GLE1: variants seen among roughly 807,000 people sequenced by gnomAD.
The protein encoded by GLE1 is GLE1 RNA export mediator.
A neutral mutation model predicts 97.3 loss-of-function variants in GLE1; 78 were observed. That is an observed-to-expected ratio of 0.80 (90% CI 0.67 to 0.97). The LOEUF (loss-of-function observed/expected upper bound fraction) is 0.97, where lower values mean the gene tolerates loss of function less well. Among genes scored for constraint, GLE1 ranks in the 50% least tolerant of loss-of-function variants. The pLI is 0.00. For synonymous variants in GLE1, 302 were observed against 313.4 expected, an observed-to-expected ratio of 0.96 and a Z score of 0.39; for missense variants, 753 against 857.5, an observed-to-expected ratio of 0.88 and a Z score of 1.52.
chr9:128,522,585 A>G (rs1847180905), intron 3 of GLE1, 83 bp from the exon 4 acceptor site: 1 of 1,414,194 alleles, frequency 7.1e-7, no homozygotes, highest in Non-Finnish European at 9.4e-7. Flanking sequence ...CGGGAGTTGG[A>G]GGTTGCAGTG....
chr9:128,523,879 C>A, intron 6 of GLE1, 33 bp downstream of exon 6: 1 of 1,611,580 alleles, frequency 6.2e-7, no homozygotes, highest in Non-Finnish European at 8.5e-7. Context: ...TCTTTGCTGT[C>A]TTTGAAATGG....
Position 128,508,895 on chromosome 9 carries a change from T to A in GLE1, c.119T>A (p.Met40Lys). Reference sequence around the variant, plus strand: ...CTCTAGGATGTTTTAGAAGAATGTATGTCTCTTCCCAAGCTATCTTCTTAT... The same window carrying A: ...CTCTAGGATGTTTTAGAAGAATGTAAGTCTCTTCCCAAGCTATCTTCTTAT... ...LRREDVLEEC[M>K]SLPKLSSYSG... is the part of the protein sequence containing the mutation. The change falls in exon 2 of 16, where the codon ATG becomes AAG. Residue 40 changes from methionine (M) to lysine (K), a missense_variant. Physicochemically the swap from Met to Lys is moderately conservative, Grantham distance 95. Transcript: ENST00000309971. 6.2e-7 allele frequency: 1 copy of A among 1,602,004 alleles called. No individual in the cohort carries two copies. The highest frequency in any genetic ancestry group is 8.6e-7 in the Non-Finnish European group (1 of 1,168,942).
chr9:128,529,529 C>T (rs879864961), intron 9 of GLE1, among the ~76,000 whole-genome samples: 1 of 152,160 alleles, frequency 6.6e-6, no homozygotes, highest in Admixed American at 6.6e-5. Flanking sequence ...CACATCCTAA[C>T]ATGAGTCTCC....
Position 128,525,377 on chromosome 9 carries a change from A to G in GLE1, c.1083A>G (p.Lys361=), listed in dbSNP as rs745553220. ...TGCAGCAGGGACCAGAGGCCCACAAAGAGCCCCCAGCTCCCAGCCAGGGCC... is the reference window on the plus strand; with the variant it reads ...TGCAGCAGGGACCAGAGGCCCACAAGGAGCCCCCAGCTCCCAGCCAGGGCC... ...AQMQQGPEAH[K]EPPAPSQGPG... is the part of the protein sequence containing the mutation. The change falls in exon 7 of 16, where the codon AAA becomes AAG. Residue 361 remains lysine, a synonymous_variant. Transcript: ENST00000309971. 1.2e-6 allele frequency: 2 copies of G among 1,611,962 alleles called. No homozygotes were observed. The highest frequency in any genetic ancestry group is 2.2e-5 in the East Asian group (1 of 44,828).
At chr9:128,532,706 C>G (rs1034357982) in intron 9 of GLE1, 1 of 968,908 alleles carries the variant, frequency 1.0e-6, no homozygotes, top group African/African-American at 1.8e-5. Context: ...GCAGCCCCCA[C>G]TGCTTGTGAG....
In GLE1 at chr9:128,504,726, T is replaced by C. The variant is rs1048292684; in HGVS notation, c.-80T>C. On this transcript the variant is annotated 5_prime_UTR_variant, in exon 1 of 16. Coordinates refer to ENST00000309971, the MANE Select transcript of GLE1 (RefSeq NM_001003722.2). ...CGCGCGCGTCCCGGAAGCAGAAGCC[T>C]GTGTGGCCTTCCCGGCGGCTGATTC... is the stretch of plus-strand genomic sequence containing the variant. The C allele has an allele frequency of 1.2e-5, 11 of 955,876 alleles. No homozygotes were observed. Among genetic ancestry groups the C allele is most frequent in the South Asian group, 6.4e-5 (5 of 78,220 alleles). The allele number at this position is 955,876 out of a possible 1,614,324, so 59.2% of individuals were successfully genotyped here. A position where few individuals can be genotyped will look rare whatever the true frequency, so the allele number is the denominator to read the frequency against.
At chr9:128,536,313 C>T (rs778472219) in intron 11 of GLE1, 42 bp from the exon 12 acceptor site, 49 of 1,580,044 alleles carry the variant, frequency 3.1e-5, no homozygotes, top group Non-Finnish European at 4.2e-5. Context: ...GGATTACAAG[C>T]GTGAGCCACC....
rs1392363309 is a variant in GLE1, at chr9:128,528,364, C to T, written c.1312+839C>T. On this transcript the variant is annotated intron_variant, in intron 9 of 15. Transcript: ENST00000309971. The stretch of plus-strand genomic sequence containing the variant: ...TGTCACCCAGACTGGAGTGCAGTGG[C>T]GCAATCTCGGCTCACTGCAAGCTCT... Among the ~76,000 whole-genome samples, 7 of 145,924 alleles carry T rather than the reference C, an allele frequency of 4.8e-5. No individual in the cohort carries two copies. The East Asian group carries it at 1.0e-3, about 21-fold the overall frequency.
chr9:128,504,921 G>C lies in GLE1; in HGVS notation c.99+17G>C. 1 of 1,541,854 alleles carries C rather than the reference G, an allele frequency of 6.5e-7. No homozygotes were observed. The highest frequency in any genetic ancestry group is 9.0e-7 in the Non-Finnish European group (1 of 1,114,476). ...CGGCGCGAGGTGAGCGGTGGCCCCG[G>C]AGGACGTAGGCCTTTCCGGCCCCTC... On this transcript the variant is annotated intron_variant, in intron 1 of 15. Coordinates refer to ENST00000309971, the MANE Select transcript of GLE1 (RefSeq NM_001003722.2).
chr9:128,533,858 A>G lies in GLE1; in HGVS notation c.1553A>G (p.Asp518Gly). ...TGGGAGCTCCACCCCAGAGTGGGGGACCTCATTCTTGCTCATCTACATAAG... is the reference window on the plus strand; with the variant it reads ...TGGGAGCTCCACCCCAGAGTGGGGGGCCTCATTCTTGCTCATCTACATAAG... The part of the protein sequence containing the change: ...GIWELHPRVG[D>G]LILAHLHKKC... Residue 518 changes from aspartate (D) to glycine (G), a missense_variant, in exon 11 of 16, where the codon GAC (aspartate) becomes GGC (glycine). Transcript: ENST00000309971. 6.2e-7 allele frequency: 1 copy of G among 1,612,252 alleles called. No homozygotes were observed. Among genetic ancestry groups the G allele is most frequent in the Non-Finnish European group, 8.5e-7 (1 of 1,178,498 alleles).
chr9:128,527,267 C>A lies in GLE1; in HGVS notation c.1218C>A (p.Gly406=). The A allele has an allele frequency of 6.2e-7, 1 of 1,603,872 alleles. No individual in the cohort carries two copies. The highest frequency in any genetic ancestry group is 8.5e-7 in the Non-Finnish European group (1 of 1,170,680). ...ASMQCVLTFE[G]LTNSKDSQAK... ...TGCAGTGTGTGTTGACCTTTGAGGG[C>A]CTGACCAACAGCAAGGACAGTCAGG... Residue 406 remains glycine, a synonymous_variant, in exon 8 of 16, where the codon GGC becomes GGA. Transcript: ENST00000309971.
rs757345630 is a variant in GLE1 at position 128,533,989 on chromosome 9, T to C, written c.1646+38T>C. 1.4e-5 allele frequency: 18 copies of C among 1,258,576 alleles called. No homozygotes were observed. The Admixed American group carries it at 2.5e-4, about 18-fold the overall frequency. 78.0% of individuals were successfully genotyped at this position (1,258,576 alleles called of 1,614,324 possible). A position where few individuals can be genotyped will look rare whatever the true frequency, so the allele number is the denominator to read the frequency against. On this transcript the variant is annotated intron_variant, in intron 11 of 15. Coordinates refer to ENST00000309971, the MANE Select transcript of GLE1 (RefSeq NM_001003722.2). Reference sequence around the variant, plus strand: ...TTCTCCCTACTCACTATCCCTAGAGTGATTAATGAAATATAAATAGAATTG... The same window carrying C: ...TTCTCCCTACTCACTATCCCTAGAGCGATTAATGAAATATAAATAGAATTG...
chr9:128,512,763 G>T (rs1846862866), intron 2 of GLE1, among the ~76,000 whole-genome samples: 2 of 151,964 alleles, frequency 1.3e-5, no homozygotes, highest in Non-Finnish European at 2.9e-5. Flanking sequence ...AGGTTCAAGT[G>T]ATTCTCCTGC....
In GLE1 at chr9:128,539,844, C is replaced by T. The variant is rs375797493; in HGVS notation, c.1964+146C>T. The T allele has an allele frequency of 3.4e-4, 514 of 1,534,310 alleles. No homozygotes were observed. In the African/African-American group the frequency reaches 5.2e-3, roughly 16 times the overall value. ...ACATCTTTCCTACTCCAGTCCCTCT[C>T]GTTGATATTTGAATAAATGCTTTTG... On this transcript the variant is annotated intron_variant, in intron 14 of 15. Transcript: ENST00000309971.
chr9:128,521,569 T>A (rs528604315), intron 3 of GLE1, among the ~76,000 whole-genome samples: 10 of 152,336 alleles, frequency 6.6e-5, no homozygotes, highest in Non-Finnish European at 1.5e-4. Context: ...AATATAATTA[T>A]GTTTTAAAAT....
intron 3 of GLE1, among the ~76,000 whole-genome samples, chr9:128,521,146 CT>C (rs930075422): frequency 6.6e-6 from 1 of 151,982 alleles, no homozygotes; most frequent in South Asian, 2.1e-4. Context: ...GGTGTTATGT[CT>C]TTTTTTTCTT....
intron 2 of GLE1, among the ~76,000 whole-genome samples, chr9:128,510,234 C>T (rs896578074): frequency 6.9e-6 from 1 of 144,452 alleles, no homozygotes; most frequent in South Asian, 2.2e-4. Flanking sequence ...TTTTCTTTTT[C>T]TTTTTTTTTT....
In GLE1 at chr9:128,541,362, T is replaced by G. The variant is rs1487860680; in HGVS notation, c.*192T>G. On this transcript the variant is annotated 3_prime_UTR_variant, in exon 16 of 16. Coordinates refer to ENST00000309971, the MANE Select transcript of GLE1 (RefSeq NM_001003722.2). ...ATTCTTGGAGGTCCCTTAGTAGATTTGGTAGTTCCTTAAGAGATCCACGTG... is the reference window on the plus strand; with the variant it reads ...ATTCTTGGAGGTCCCTTAGTAGATTGGGTAGTTCCTTAAGAGATCCACGTG... The G allele has an allele frequency of 1.6e-6, 1 of 606,582 alleles. No individual in the cohort carries two copies. The highest frequency in any genetic ancestry group is 2.9e-6 in the Non-Finnish European group (1 of 340,902). The allele number at this position is 606,582 out of a possible 1,614,324, so 37.6% of individuals were successfully genotyped here.
At chr9:128,534,340 G>C (rs1385181912) in intron 11 of GLE1, among the ~76,000 whole-genome samples, 1 of 152,146 alleles carries the variant, frequency 6.6e-6, no homozygotes, top group Non-Finnish European at 1.5e-5. Flanking sequence ...GTATACTCCA[G>C]CCTGGGTGAC....
Sources: allele counts gnomAD v4.1 joint callset (sites outside exome capture counted in the v4.1 genomes callset), GRCh38; gene constraint gnomAD v4.1.1; transcripts MANE v1.5; gene names NCBI Gene and HGNC (gene_info 2026-07-23, HGNC 2026-07-21).